The following HHIPL1 variants were observed in gnomAD, a reference collection of about 807,000 sequenced individuals.
HHIPL1 encodes the protein HHIP like 1, also known as HHIP-like protein 1.
In HHIPL1, 43 loss-of-function variants were observed where a neutral mutation model predicts 61.8. The observed-to-expected ratio is 0.70, with a 90% CI of 0.55 to 0.90. The LOEUF (loss-of-function observed/expected upper bound fraction) is 0.90, where lower values mean the gene tolerates loss of function less well. Ranked by LOEUF, HHIPL1 falls within the 40% of genes least tolerant of loss-of-function variation. The pLI is 0.00. For synonymous variants in HHIPL1, 482 were observed against 515.8 expected (o/e 0.93, Z 0.89); for missense variants, 1,056 against 1,157.7 (o/e 0.91, Z 1.28).
intron 6 of HHIPL1, among the ~76,000 whole-genome samples, chr14:99,665,821 G>T (rs933726933): frequency 6.6e-6 from 1 of 152,096 alleles, no homozygotes; most frequent in African/African-American, 2.4e-5. Context: ...TCGCTCTGTC[G>T]CCCAGGCTGG....
intron 7 of HHIPL1, among the ~76,000 whole-genome samples, chr14:99,669,622 T>C (rs2056303649): frequency 1.3e-5 from 2 of 152,124 alleles, no homozygotes; most frequent in Admixed American, 6.5e-5. Context: ...CTAAAACACT[T>C]ATTGTGCTTA....
At chr14:99,640,909 T>TA (rs2055742722), upstream of HHIPL1, among the ~76,000 whole-genome samples, 1 of 122,904 alleles carries the variant, frequency 8.1e-6, no homozygotes, top group African/African-American at 3.2e-5. Flanking sequence ...TTTTTTGAGA[T>TA]AGAGTATCTC....
At chr14:99,622,608 G>T in the HHIPL1 span, among the ~76,000 whole-genome samples, 1 of 152,144 alleles carries the variant, frequency 6.6e-6, no homozygotes, top group Non-Finnish European at 1.5e-5. Context: ...CCAAACCCCA[G>T]GGTCCCCAGC....
intron 1 of HHIPL1, among the ~76,000 whole-genome samples, chr14:99,648,365 A>C (rs1423753188): frequency 6.6e-6 from 1 of 152,152 alleles, no homozygotes. Context: ...AGGCACAGAG[A>C]GGTTAAGGAG....
intron 2 of HHIPL1, 104 bp downstream of exon 2, chr14:99,652,974 A>T: frequency 8.6e-7 from 1 of 1,162,538 alleles, no homozygotes; most frequent in Non-Finnish European, 1.2e-6. Flanking sequence ...TGAATATTTA[A>T]CACACCTGGT....
chr14:99,617,023 G>A, the HHIPL1 span, among the ~76,000 whole-genome samples: 5 of 152,186 alleles, frequency 3.3e-5, no homozygotes, highest in Admixed American at 6.5e-5. Context: ...ATCCTTCCTG[G>A]GGGGCCGAGA....
rs745763798 is a variant in HHIPL1, at chr14:99,662,897, G to A, written c.1524G>A (p.Glu508=). The change falls in exon 6 of 9, where the codon GAG becomes GAA. Residue 508 remains glutamate (E), a synonymous_variant. Transcript: ENST00000330710. ...FMSGRLMSLQ[E]NPGTGQWQYS... ...GCAGGCGTCTGATGTCCCTCCAAGA[G>A]AACCCAGGGACAGGCCAGTGGCAGT... 15 of 1,608,332 alleles carry A rather than the reference G, an allele frequency of 9.3e-6. No individual in the cohort carries two copies. The highest frequency in any genetic ancestry group is 1.3e-5 in the Non-Finnish European group (15 of 1,177,980).
upstream of HHIPL1, among the ~76,000 whole-genome samples, chr14:99,641,079 G>A (rs1441247606): frequency 6.6e-6 from 1 of 151,602 alleles, no homozygotes; most frequent in Non-Finnish European, 1.5e-5. Context: ...TGGAGACTGG[G>A]TTTCGCCATG....
chr14:99,671,087 G>T (rs371509646), intron 7 of HHIPL1, among the ~76,000 whole-genome samples: 1 of 152,002 alleles, frequency 6.6e-6, no homozygotes, highest in Admixed American at 6.6e-5. Context: ...TCCTCCTCCC[G>T]CCCTGACCCT....
chr14:99,617,195 C>T, the HHIPL1 span, among the ~76,000 whole-genome samples: 1 of 152,200 alleles, frequency 6.6e-6, no homozygotes, highest in African/African-American at 2.4e-5. Context: ...GCATTCACTC[C>T]ATGGCACACA....
At position 99,652,452 on chromosome 14, in the gene HHIPL1, C is replaced by T. The variant is rs2055949775; in HGVS notation, c.484C>T (p.Leu162=). 6.2e-7 allele frequency: 1 copy of T among 1,614,140 alleles called. No homozygotes were observed. The highest frequency in any genetic ancestry group is 1.7e-5 in the Admixed American group (1 of 60,032). Residue 162 remains leucine, a synonymous_variant, in exon 2 of 9, where the codon CTG becomes TTG. Coordinates refer to ENST00000330710, the MANE Select transcript of HHIPL1 (RefSeq NM_001127258.3). The part of the protein sequence containing the change: ...DDTDYCFPYL[L]VNKNLNSNLG... The stretch of plus-strand genomic sequence containing the variant: ...CACGGACTACTGCTTCCCTTACCTG[C>T]TGGTCAACAAGAACCTCAACTCAAA...
upstream of HHIPL1, chr14:99,645,067 A>T: frequency 1.5e-6 from 1 of 661,216 alleles, no homozygotes; most frequent in Non-Finnish European, 2.1e-6. Flanking sequence ...ACCAGAGGTG[A>T]CCTCCTAGAA....
chr14:99,636,046 G>C, the HHIPL1 span, among the ~76,000 whole-genome samples: 4 of 152,096 alleles, frequency 2.6e-5, no homozygotes, highest in African/African-American at 9.7e-5. Context: ...CTCTGCCTCT[G>C]GAGCCACGGG....
chr14:99,622,385 A>G, the HHIPL1 span, among the ~76,000 whole-genome samples: 1 of 151,946 alleles, frequency 6.6e-6, no homozygotes, highest in African/African-American at 2.4e-5. Flanking sequence ...GCCTCCCCTC[A>G]TTGCCCTGCT....
the HHIPL1 span, among the ~76,000 whole-genome samples, chr14:99,611,234 A>G: frequency 6.6e-6 from 1 of 151,906 alleles, no homozygotes; most frequent in Non-Finnish European, 1.5e-5. Flanking sequence ...GACTCACTCA[A>G]GTGATCCTCC....
intron 1 of HHIPL1, among the ~76,000 whole-genome samples, chr14:99,646,787 AATATAATATGATATGATATG>A (rs1476703149): frequency 5.8e-4 from 78 of 134,324 alleles, no homozygotes; most frequent in Admixed American, 2.2e-3. Flanking sequence ...AATATAATAT[AATATAATATGATATGATATG>A]ATATGATATG....
chr14:99,657,010 G>A lies in HHIPL1; in HGVS notation c.913G>A (p.Glu305Lys). The change falls in exon 3 of 9, where the codon GAG (glutamate) becomes AAG (lysine). Residue 305 changes from glutamate to lysine, a missense_variant. Transcript: ENST00000330710. ...CTTATCTTCCTTTAGGATAATCCTG[G>A]AGGTCAAAGAACCAGCCTCAAACCA... ...VDHSSERIILEVKEPASNHNG... is the reference protein window; with the variant it reads ...VDHSSERIILKVKEPASNHNG... 1.2e-6 allele frequency: 2 copies of A among 1,609,864 alleles called. No individual in the cohort carries two copies. The highest frequency in any genetic ancestry group is 1.7e-6 in the Non-Finnish European group (2 of 1,177,892).
chr14:99,606,852 A>G, the HHIPL1 span, among the ~76,000 whole-genome samples: 1 of 152,086 alleles, frequency 6.6e-6, no homozygotes, highest in East Asian at 1.9e-4. Flanking sequence ...GGACCAGAGG[A>G]GGTGAGAGGG....
chr14:99,660,369 C>T lies in HHIPL1; in HGVS notation c.1465C>T (p.Leu489=), dbSNP rs1393786274. The change falls in exon 5 of 9, where the codon CTG becomes TTG. Residue 489 remains leucine, a synonymous_variant. Transcript: ENST00000330710. The surrounding 1 kb of genome is among the most constrained non-coding windows in gnomAD (Gnocchi z 4.9). The part of the protein sequence containing the change: ...YVYRGCEYPN[L]NGLYIFGDFM... Reference sequence around the variant, plus strand: ...GTACCGGGGCTGCGAGTACCCCAACCTGAACGGCCTCTACATTTTTGGGGA... The same window carrying T: ...GTACCGGGGCTGCGAGTACCCCAACTTGAACGGCCTCTACATTTTTGGGGA... 3 of 1,613,942 alleles carry T rather than the reference C, an allele frequency of 1.9e-6. No homozygotes were observed. The highest frequency in any genetic ancestry group is 2.5e-6 in the Non-Finnish European group (3 of 1,179,950).
Sources: allele counts gnomAD v4.1 joint callset (sites outside exome capture counted in the v4.1 genomes callset), GRCh38; gene constraint gnomAD v4.1.1; non-coding constraint Gnocchi (gnomAD v3.1); transcripts MANE v1.5; gene names NCBI Gene and HGNC (gene_info 2026-07-23, HGNC 2026-07-21).